Variants in SMURF2 observed in about 807,000 individuals in gnomAD.
SMURF2 encodes SMAD specific E3 ubiquitin protein ligase 2.
In SMURF2, 48 loss-of-function variants were observed where a neutral mutation model predicts 109.6. The ratio of observed to expected loss-of-function variants is 0.44; its 90% confidence interval spans 0.35 to 0.56. The LOEUF (loss-of-function observed/expected upper bound fraction) is 0.56, where lower values mean the gene tolerates loss of function less well. Ranked by LOEUF, SMURF2 falls within the 20% of genes least tolerant of loss-of-function variation. SMURF2 has a pLI of 0.01. For synonymous variants in SMURF2, 288 were observed against 317.1 expected, an observed-to-expected ratio of 0.91 and a Z score of 0.97; for missense variants, 575 against 909.0, an observed-to-expected ratio of 0.63 and a Z score of 4.72.
intron 1 of SMURF2, among the ~76,000 whole-genome samples, chr17:64,656,740 A>G (rs1970711019): frequency 6.6e-6 from 1 of 152,236 alleles, no homozygotes; most frequent in Admixed American, 6.5e-5. Flanking sequence ...ATTTGGAAAT[A>G]AACATTCAAA....
In SMURF2 at chr17:64,593,571, T is replaced by C. The variant is rs782449142; in HGVS notation, c.203A>G (p.Tyr68Cys). The C allele has an allele frequency of 1.3e-6, 2 of 1,546,792 alleles. No homozygotes were observed. Among genetic ancestry groups the C allele is most frequent in the Non-Finnish European group, 1.8e-6 (2 of 1,141,554 alleles). The change falls in exon 4 of 19, where the codon TAT becomes TGT. Residue 68 changes from tyrosine (Y) to cysteine (C), a missense_variant and splice_region_variant. Tyr to Cys is a radical substitution (Grantham distance 194). Transcript: ENST00000262435. ...DPKWNQHYDL[Y>C]IGKSDSVTIS... Reference sequence around the variant, plus strand: ...CGTAACTGAATCAGACTTTCCAATATACCTAAAAAACAAAACGGCTGCATG... The same window carrying C: ...CGTAACTGAATCAGACTTTCCAATACACCTAAAAAACAAAACGGCTGCATG...
In SMURF2 at chr17:64,581,917, T is replaced by C. The variant is rs1056985140; in HGVS notation, c.570-926A>G. On this transcript the variant is annotated intron_variant, in intron 7 of 18. Transcript: ENST00000262435. This position sits in a 1 kb window ranked among gnomAD's most constrained non-coding sequence, Gnocchi z 4.3. ...CAGAGGTTGCAGTGAGCCGAGATCG[T>C]ACCACTGCACTCTAGCCTAGGCAAT... is the stretch of plus-strand genomic sequence containing the variant. 1.3e-5 allele frequency among the ~76,000 whole-genome samples: 2 copies of C among 150,060 alleles called. No homozygotes were observed. Among genetic ancestry groups the C allele is most frequent in the African/African-American group, 4.9e-5 (2 of 40,558 alleles).
intron 1 of SMURF2, among the ~76,000 whole-genome samples, chr17:64,626,932 T>TAA (rs147392473): frequency 1.1e-3 from 155 of 140,034 alleles, no homozygotes; most frequent in African/African-American, 3.8e-3. Flanking sequence ...CGTATTCCCC[T>TAA]AAAAAAAAAA....
At chr17:64,604,942 TAA>T (rs146088814) in intron 2 of SMURF2, among the ~76,000 whole-genome samples, 12 of 140,666 alleles carry the variant, frequency 8.5e-5, no homozygotes, top group East Asian at 2.1e-4. Flanking sequence ...AGACTCCGTC[TAA>T]AAAAAAAAAA....
At chr17:64,577,554 AAAATAAAT>A (rs144708729) in intron 9 of SMURF2, among the ~76,000 whole-genome samples, 4 of 149,770 alleles carry the variant, frequency 2.7e-5, no homozygotes, top group East Asian at 3.9e-4. Context: ...AAAGTATAAT[AAAATAAAT>A]AAATAAATAA....
chr17:64,601,250 T>C (rs1185586954), intron 2 of SMURF2, among the ~76,000 whole-genome samples: 1 of 151,944 alleles, frequency 6.6e-6, no homozygotes. Flanking sequence ...AGCAAGACCC[T>C]ATCTCAGTGG....
chr17:64,552,744 C>A (rs1969063233), intron 15 of SMURF2, among the ~76,000 whole-genome samples: 1 of 152,156 alleles, frequency 6.6e-6, no homozygotes, highest in African/African-American at 2.4e-5. Context: ...CGTTCTGTCA[C>A]CCAGGCTGGA....
chr17:64,654,744 G>T (rs185156417), intron 1 of SMURF2, among the ~76,000 whole-genome samples: 1 of 152,154 alleles, frequency 6.6e-6, no homozygotes, highest in Non-Finnish European at 1.5e-5. Context: ...CAGGAGAATC[G>T]CTTGAACCCA....
Position 64,579,946 on chromosome 17 carries a change from G to A in SMURF2, c.772+843C>T, listed in dbSNP as rs1969555958. Among the ~76,000 whole-genome samples the A allele has an allele frequency of 2.0e-5, 3 of 152,156 alleles. 1 individual carries two copies. The South Asian group carries it at 6.2e-4, about 32-fold the overall frequency. ...TGGACAAGTTTTTTCAAATTAAAGAGCTAAAATACATTTAAAACTAAAATA... is the reference window on the plus strand; with the variant it reads ...TGGACAAGTTTTTTCAAATTAAAGAACTAAAATACATTTAAAACTAAAATA... On this transcript the variant is annotated intron_variant, in intron 8 of 18. Transcript: ENST00000262435.
At chr17:64,628,350 AACTG>A (rs1407537589) in intron 1 of SMURF2, among the ~76,000 whole-genome samples, 1 of 152,188 alleles carries the variant, frequency 6.6e-6, no homozygotes, top group Non-Finnish European at 1.5e-5. Context: ...GGTCTGCCTC[AACTG>A]ACTAAGTATT....
intron 1 of SMURF2, among the ~76,000 whole-genome samples, chr17:64,611,671 A>G (rs1970046583): frequency 6.6e-6 from 1 of 152,176 alleles, no homozygotes. Flanking sequence ...TCTACTGTCT[A>G]GGTAATTACA....
intron 1 of SMURF2, among the ~76,000 whole-genome samples, chr17:64,642,029 A>C (rs902784809): frequency 3.9e-5 from 6 of 151,950 alleles, no homozygotes; most frequent in Non-Finnish European, 8.8e-5. Context: ...CTGGTCTCAA[A>C]CTCCTGAGCT....
chr17:64,585,414 C>T (rs1969639372), intron 6 of SMURF2, among the ~76,000 whole-genome samples: 1 of 152,112 alleles, frequency 6.6e-6, no homozygotes, highest in Non-Finnish European at 1.5e-5. Flanking sequence ...TGCTAAAGTG[C>T]CTTACCTGAA....
chr17:64,595,099 AC>A (rs1969800199), intron 3 of SMURF2, among the ~76,000 whole-genome samples: 1 of 152,230 alleles, frequency 6.6e-6, no homozygotes, highest in Non-Finnish European at 1.5e-5. Flanking sequence ...AGGGCAACGC[AC>A]CACTGGCTTA....
intron 9 of SMURF2, among the ~76,000 whole-genome samples, chr17:64,576,535 G>A (rs1396342809): frequency 1.3e-5 from 2 of 151,092 alleles, no homozygotes; most frequent in Non-Finnish European, 2.9e-5. Flanking sequence ...ATGGTGGCAG[G>A]TGCCTGTAAT....
intron 1 of SMURF2, among the ~76,000 whole-genome samples, chr17:64,613,510 T>C (rs986146190): frequency 3.2e-4 from 48 of 151,918 alleles, no homozygotes; most frequent in Non-Finnish European, 4.7e-4. Flanking sequence ...TAGGTAAAAA[T>C]GTTGAGAAAT....
intron 1 of SMURF2, among the ~76,000 whole-genome samples, chr17:64,612,743 G>A (rs1367392738): frequency 2.6e-5 from 4 of 150,968 alleles, no homozygotes; most frequent in African/African-American, 4.9e-5. Context: ...TTATCCGGTC[G>A]TGTTTAACCA....
intron 9 of SMURF2, among the ~76,000 whole-genome samples, chr17:64,575,892 C>T (rs1555686015): frequency 6.6e-6 from 1 of 151,912 alleles, no homozygotes; most frequent in East Asian, 1.9e-4. Flanking sequence ...TGGTACTTTG[C>T]ATCTGTTCAT....
At chr17:64,571,996 C>T (rs372224052) in intron 9 of SMURF2, 40 bp from the exon 10 acceptor site, 39 of 1,566,348 alleles carry the variant, frequency 2.5e-5, no homozygotes, top group Middle Eastern at 1.7e-4. Flanking sequence ...CCTCATTGCT[C>T]GCCCTGCTGA....
Sources: allele counts gnomAD v4.1 joint callset (sites outside exome capture counted in the v4.1 genomes callset), GRCh38; gene constraint gnomAD v4.1.1; non-coding constraint Gnocchi (gnomAD v3.1); transcripts MANE v1.5; gene names NCBI Gene and HGNC (gene_info 2026-07-23, HGNC 2026-07-21).